Variants in PHF14 observed in about 807,000 individuals in gnomAD.
PHF14 encodes the protein PHD finger protein 14.
Under a neutral mutation model 117.9 loss-of-function variants are expected in PHF14, and 55 were observed. The observed-to-expected ratio is 0.47, with a 90% CI of 0.38 to 0.58. PHF14 has a LOEUF of 0.58. Among genes scored for constraint, PHF14 ranks in the 20% least tolerant of loss-of-function variants. The pLI, the probability that PHF14 is intolerant of heterozygous loss-of-function variation, is 0.00. For missense variants in PHF14, 978 were observed against 1,122.2 expected, an observed-to-expected ratio of 0.87 and a Z score of 1.84; for synonymous variants, 409 against 368.6, an observed-to-expected ratio of 1.11 and a Z score of -1.26.
At chr7:11,157,009 A>G (rs1322535207) in intron 17 of PHF14, among the ~76,000 whole-genome samples, 1 of 152,188 alleles carries the variant, frequency 6.6e-6, no homozygotes, top group African/African-American at 2.4e-5. Context: ...TCATAAAAAT[A>G]GTGTCCTTAT....
chr7:11,091,618 G>T (rs537151891), intron 16 of PHF14, among the ~76,000 whole-genome samples: 5 of 152,082 alleles, frequency 3.3e-5, no homozygotes, highest in African/African-American at 1.2e-4. Context: ...AGCCGAGTGT[G>T]GTGGTGGTGC....
chr7:10,974,814 G>A, intron 1 of PHF14, 21 bp from the exon 2 acceptor site: 1 of 1,248,860 alleles, frequency 8.0e-7, no homozygotes. Flanking sequence ...GAATGACAAT[G>A]TAATTTTTTT....
At chr7:11,143,942 A>G (rs955008650) in intron 17 of PHF14, among the ~76,000 whole-genome samples, 1 of 152,144 alleles carries the variant, frequency 6.6e-6, no homozygotes, top group African/African-American at 2.4e-5. Flanking sequence ...GAGACAACCT[A>G]TAAAATGGGA....
intron 16 of PHF14, among the ~76,000 whole-genome samples, chr7:11,077,734 TTATTAC>T (rs1288328791): frequency 6.6e-6 from 1 of 152,148 alleles, no homozygotes; most frequent in Non-Finnish European, 1.5e-5. Flanking sequence ...TTTATTATCA[TTATTAC>T]TATTACTATA....
Position 11,055,757 on chromosome 7 carries a change from C to T in PHF14, c.2481+3977C>T, listed in dbSNP as rs780756373. Among the ~76,000 whole-genome samples the T allele has an allele frequency of 1.7e-4, 26 of 152,116 alleles. 1 individual carries two copies. The highest frequency in any genetic ancestry group is 1.2e-3 in the Admixed American group (19 of 15,254). On this transcript the variant is annotated intron_variant, in intron 14 of 17. Coordinates refer to ENST00000634607, the MANE Select transcript of PHF14 (RefSeq NM_001007157.2). The stretch of plus-strand genomic sequence containing the variant: ...TACATTTATGTTTTAACTAATTTTA[C>T]GCATATACAAAGTACCTATTTAATA...
chr7:11,005,247 G>A (rs1016050169), intron 4 of PHF14, among the ~76,000 whole-genome samples: 1 of 151,996 alleles, frequency 6.6e-6, no homozygotes, highest in Non-Finnish European at 1.5e-5. Flanking sequence ...GATTACATAT[G>A]TAGGCTGCAA....
At chr7:11,128,321 T>G (rs1377281292) in intron 17 of PHF14, among the ~76,000 whole-genome samples, 4 of 152,054 alleles carry the variant, frequency 2.6e-5, no homozygotes, top group African/African-American at 9.7e-5. Context: ...TTATTTTCAC[T>G]GAGGAAAGGG....
chr7:11,154,357 TTTCTC>T (rs548695586), intron 17 of PHF14, among the ~76,000 whole-genome samples: 10 of 152,292 alleles, frequency 6.6e-5, no homozygotes, highest in East Asian at 3.9e-4. Context: ...TTACTTTTAA[TTTCTC>T]TTCCCATTCC....
chr7:11,088,156 C>T lies in PHF14; in HGVS notation c.2655-23194C>T, dbSNP rs577526326. ...CCATCATGTTTGCATATAACCTATG[C>T]ATATGTTCCTGTATGCTTTCAGTTA... On this transcript the variant is annotated intron_variant, in intron 16 of 17. Transcript: ENST00000634607. Among the ~76,000 whole-genome samples, 3 of 152,268 alleles carry T rather than the reference C, an allele frequency of 2.0e-5. No individual in the cohort carries two copies. In the South Asian group the frequency reaches 6.2e-4, roughly 32 times the overall value.
chr7:11,102,050 G>T (rs1045969297), intron 16 of PHF14, among the ~76,000 whole-genome samples: 7 of 151,930 alleles, frequency 4.6e-5, no homozygotes, highest in African/African-American at 1.7e-4. Context: ...ACACTGATCA[G>T]ATGTGCTTGT....
Position 11,059,318 on chromosome 7 carries a change from T to A in PHF14, c.2482-2473T>A, listed in dbSNP as rs139022268. On this transcript the variant is annotated intron_variant, in intron 14 of 17. Transcript: ENST00000634607. ...CATACTTGAAAAATTCAAAACTACA[T>A]GATACATTTGCTAGTTCATTACCTA... Among the ~76,000 whole-genome samples, 67 of 152,328 alleles carry A rather than the reference T, an allele frequency of 4.4e-4. 1 individual carries two copies. Among genetic ancestry groups the A allele is most frequent in the African/African-American group, 1.6e-3 (66 of 41,574 alleles).
At chr7:10,990,462 A>G (rs1782410964) in intron 3 of PHF14, among the ~76,000 whole-genome samples, 2 of 152,196 alleles carry the variant, frequency 1.3e-5, no homozygotes, top group Non-Finnish European at 2.9e-5. Flanking sequence ...AGGAGAGAGA[A>G]TACGAAGCTT....
At chr7:11,139,820 T>G (rs1369387531) in intron 17 of PHF14, among the ~76,000 whole-genome samples, 1 of 152,110 alleles carries the variant, frequency 6.6e-6, no homozygotes, top group Non-Finnish European at 1.5e-5. Context: ...TGATGAAAAT[T>G]GAGTAAAATT....
chr7:11,028,279 G>C (rs1783994301), intron 6 of PHF14, among the ~76,000 whole-genome samples: 1 of 152,070 alleles, frequency 6.6e-6, no homozygotes, highest in Non-Finnish European at 1.5e-5. Flanking sequence ...TGGTCGTATG[G>C]GTACTGAAAG....
At chr7:11,131,862 T>C (rs1387054879) in intron 17 of PHF14, among the ~76,000 whole-genome samples, 1 of 151,834 alleles carries the variant, frequency 6.6e-6, no homozygotes, top group African/African-American at 2.4e-5. Context: ...TTTTTGACAT[T>C]TGGAGGTCCA....
At chr7:11,122,945 A>G (rs1464400486) in intron 17 of PHF14, among the ~76,000 whole-genome samples, 1 of 152,178 alleles carries the variant, frequency 6.6e-6, no homozygotes, top group Non-Finnish European at 1.5e-5. Context: ...AAAATCAAGA[A>G]TCTTCCTCTA....
intron 5 of PHF14, among the ~76,000 whole-genome samples, chr7:11,021,507 C>G (rs1025057075): frequency 5.3e-5 from 8 of 152,044 alleles, no homozygotes; most frequent in African/African-American, 1.9e-4. Context: ...GTATGCCAGT[C>G]ACATTGAAAT....
chr7:11,113,730 C>T (rs1232532371), intron 17 of PHF14, among the ~76,000 whole-genome samples: 1 of 152,074 alleles, frequency 6.6e-6, no homozygotes, highest in Non-Finnish European at 1.5e-5. Flanking sequence ...GGAAGACTTC[C>T]ATTCATGACC....
intron 17 of PHF14, among the ~76,000 whole-genome samples, chr7:11,119,685 A>T (rs1787694638): frequency 6.6e-6 from 1 of 151,924 alleles, no homozygotes; most frequent in Non-Finnish European, 1.5e-5. Context: ...TAATTAGTTC[A>T]TAATTTTATA....
Sources: gnomAD v4.1 joint callset for allele counts (sites outside exome capture counted in the v4.1 genomes callset) on GRCh38, gnomAD v4.1.1 for gene constraint, MANE v1.5 for transcripts, NCBI Gene and HGNC (gene_info 2026-07-23, HGNC 2026-07-21) for gene names.